Variants in FRMD4B observed in about 807,000 individuals in gnomAD.
The protein encoded by FRMD4B is FERM domain-containing protein 4B.
Under a neutral mutation model 141.5 loss-of-function variants are expected in FRMD4B, and 74 were observed. The ratio of observed to expected loss-of-function variants is 0.52; its 90% CI spans 0.43 to 0.63. FRMD4B has a LOEUF of 0.63. Among genes scored for constraint, FRMD4B ranks in the 30% least tolerant of loss-of-function variants. The pLI is 0.00. For missense variants in FRMD4B, 1,366 were observed against 1,253.4 expected, an observed-to-expected ratio of 1.09 and a Z score of -1.36; for synonymous variants, 506 against 467.9, an observed-to-expected ratio of 1.08 and a Z score of -1.05.
Position 69,195,329 on chromosome 3 carries a change from T to C in FRMD4B, c.1270A>G (p.Arg424Gly), listed in dbSNP as rs779735839. 18 of 1,613,160 alleles carry C rather than the reference T, an allele frequency of 1.1e-5. No individual in the cohort carries two copies. In the South Asian group the frequency reaches 2.0e-4, roughly 18 times the overall value. The change falls in exon 15 of 23, where the codon AGA becomes GGA. Residue 424 changes from arginine (R) to glycine (G), a missense_variant. Coordinates refer to ENST00000398540, the MANE Select transcript of FRMD4B (RefSeq NM_015123.3). The part of the protein sequence containing the change: ...QDSEVSEEQK[R>G]EKILELKKKE... The stretch of plus-strand genomic sequence containing the variant: ...TTCTTTAGTTCAAGGATTTTTTCTC[T>C]CTTTTGCTCTTCACTAACTTCTGAG...
intron 18 of FRMD4B, among the ~76,000 whole-genome samples, chr3:69,188,992 C>G (rs1433817114): frequency 6.6e-6 from 1 of 151,830 alleles, no homozygotes; most frequent in Non-Finnish European, 1.5e-5. Context: ...GAGGCCGAGG[C>G]AGGCAGATCA....
At chr3:69,257,096 A>C (rs985183240) in intron 5 of FRMD4B, among the ~76,000 whole-genome samples, 4 of 152,234 alleles carry the variant, frequency 2.6e-5, no homozygotes, top group Non-Finnish European at 5.9e-5. Context: ...ACACCACCAG[A>C]TGTCCTCAGA....
intron 5 of FRMD4B, among the ~76,000 whole-genome samples, chr3:69,272,102 G>A (rs1013963517): frequency 6.6e-6 from 1 of 152,066 alleles, no homozygotes; most frequent in Non-Finnish European, 1.5e-5. Context: ...TCAGTCTTCT[G>A]ATGATTAGTT....
chr3:69,340,163 CT>C (rs57344385), intron 1 of FRMD4B, among the ~76,000 whole-genome samples: 3 of 150,982 alleles, frequency 2.0e-5, no homozygotes, highest in Non-Finnish European at 2.9e-5. Flanking sequence ...CTTTTCTTTT[CT>C]TTTTTTTTAA....
intron 2 of FRMD4B, among the ~76,000 whole-genome samples, chr3:69,416,817 C>G (rs1457463129): frequency 1.3e-5 from 2 of 152,086 alleles, no homozygotes; most frequent in Non-Finnish European, 2.9e-5. Flanking sequence ...TTTTCTGTTC[C>G]TGTGTTAGTT....
intron 1 of FRMD4B, among the ~76,000 whole-genome samples, chr3:69,541,797 C>T (rs951376032): frequency 6.6e-6 from 1 of 151,760 alleles, no homozygotes; most frequent in South Asian, 2.1e-4. Context: ...TTTCCCCCCC[C>T]TCTTTTCGCT....
At chr3:69,289,747 C>T (rs1480359898) in intron 4 of FRMD4B, among the ~76,000 whole-genome samples, 2 of 152,072 alleles carry the variant, frequency 1.3e-5, no homozygotes, top group Non-Finnish European at 2.9e-5. Context: ...TGCAGTGAGC[C>T]AAGATTATGC....
intron 1 of FRMD4B, among the ~76,000 whole-genome samples, chr3:69,502,548 C>T (rs1175913600): frequency 6.6e-6 from 1 of 152,172 alleles, no homozygotes; most frequent in African/African-American, 2.4e-5. Flanking sequence ...GGATTAAAGA[C>T]TTAAATGTTA....
rs545413241 is a variant in FRMD4B at position 69,511,189 on chromosome 3, G to C, written c.-129+31017C>G. Among the ~76,000 whole-genome samples the C allele has an allele frequency of 2.4e-4, 37 of 152,228 alleles. 1 individual carries two copies. The South Asian group carries it at 7.5e-3, about 31-fold the overall frequency. Reference sequence around the variant, plus strand: ...CTTCAGGTTCATGGTCCCAGTAGTTGTATAAGCATCACTGCAGAATCTATT... The same window carrying C: ...CTTCAGGTTCATGGTCCCAGTAGTTCTATAAGCATCACTGCAGAATCTATT... On this transcript the variant is annotated intron_variant, in intron 1 of 5. Transcript: ENST00000459638.
At chr3:69,259,278 C>A (rs935458957) in intron 5 of FRMD4B, among the ~76,000 whole-genome samples, 4 of 152,152 alleles carry the variant, frequency 2.6e-5, no homozygotes, top group Non-Finnish European at 4.4e-5. Context: ...TGACAGGAGG[C>A]AGAGCTCAGG....
intron 1 of FRMD4B, among the ~76,000 whole-genome samples, chr3:69,327,338 T>C (rs1321828100): frequency 2.0e-5 from 3 of 152,240 alleles, no homozygotes; most frequent in Non-Finnish European, 4.4e-5. Context: ...CTGCAGTACT[T>C]GTAATTTAAA....
At chr3:69,343,875 C>T (rs189677556) in intron 1 of FRMD4B, among the ~76,000 whole-genome samples, 31 of 152,192 alleles carry the variant, frequency 2.0e-4, no homozygotes, top group Admixed American at 8.5e-4. Flanking sequence ...CCACCACACC[C>T]GGCCCGTCTT....
chr3:69,337,893 G>A (rs985866337), intron 1 of FRMD4B, among the ~76,000 whole-genome samples: 10 of 152,252 alleles, frequency 6.6e-5, no homozygotes, highest in African/African-American at 2.2e-4. Context: ...GTGGAAGACA[G>A]TGTGGCGATT....
At chr3:69,522,855 T>C (rs62252355) in intron 1 of FRMD4B, among the ~76,000 whole-genome samples, 35,015 of 152,018 alleles carry the variant, frequency 0.23, 4,200 homozygotes, top group African/African-American at 0.27. Flanking sequence ...GTCCAGCACA[T>C]AGCAAGGTGG....
At chr3:69,300,242 T>C (rs539072799) in intron 4 of FRMD4B, among the ~76,000 whole-genome samples, 2 of 152,314 alleles carry the variant, frequency 1.3e-5, no homozygotes, top group East Asian at 1.9e-4. Flanking sequence ...CTTAATTAAA[T>C]TGGAGTAAAA....
chr3:69,491,496 G>C (rs1045526139), intron 1 of FRMD4B, among the ~76,000 whole-genome samples: 1 of 152,232 alleles, frequency 6.6e-6, no homozygotes, highest in Non-Finnish European at 1.5e-5. Flanking sequence ...CAAAGAAAAT[G>C]ACACCTATTT....
At chr3:69,421,093 G>A (rs1192266403) in intron 2 of FRMD4B, among the ~76,000 whole-genome samples, 2 of 152,160 alleles carry the variant, frequency 1.3e-5, no homozygotes, top group Non-Finnish European at 2.9e-5. Context: ...CCCTACCCAT[G>A]GCCTGGAAAT....
intron 3 of FRMD4B, among the ~76,000 whole-genome samples, chr3:69,309,303 A>ATT (rs1449002426): frequency 2.3e-5 from 1 of 44,228 alleles, no homozygotes; most frequent in African/African-American, 8.1e-5. Flanking sequence ...GCTGATTTTT[A>ATT]ATTTTTTTTT....
chr3:69,236,244 T>TC (rs955791256), intron 7 of FRMD4B, among the ~76,000 whole-genome samples: 3 of 151,340 alleles, frequency 2.0e-5, no homozygotes, highest in Non-Finnish European at 2.9e-5. Flanking sequence ...TTTTTTTTTT[T>TC]CCGAGATGGA....
Sources: gnomAD v4.1 joint callset for allele counts (sites outside exome capture counted in the v4.1 genomes callset) on GRCh38, gnomAD v4.1.1 for gene constraint, MANE v1.5 for transcripts, NCBI Gene and HGNC (gene_info 2026-07-23, HGNC 2026-07-21) for gene names.